The following STON2 variants were observed in gnomAD, a reference collection of about 807,000 sequenced individuals.
The protein encoded by STON2 is stonin 2, also known as stonin-2.
A neutral mutation model predicts 65.7 loss-of-function variants in STON2; 29 were observed. The observed-to-expected ratio is 0.44, with a 90% CI of 0.33 to 0.60. The LOEUF is 0.60. STON2 is among the 20% of genes least tolerant of loss of function. The probability of loss-of-function intolerance (pLI) is 0.03; values close to 1 mark genes in which losing one functional copy is unlikely to be tolerated. For synonymous variants in STON2, 404 were observed against 414.2 expected (o/e 0.98, Z 0.30); for missense variants, 1,054 against 1,118.1 (o/e 0.94, Z 0.82).
At position 81,265,403 on chromosome 14, in the gene STON2, C is replaced by A. The variant is rs890295970; in HGVS notation, c.*3011G>T. 4.2e-6 allele frequency: 4 copies of A among 953,284 alleles called. No homozygotes were observed. Among genetic ancestry groups the A allele is most frequent in the Non-Finnish European group, 5.0e-6 (4 of 801,056 alleles). 59.1% of individuals were successfully genotyped at this position (953,284 alleles called of 1,614,324 possible). A position where few individuals can be genotyped will look rare whatever the true frequency, so the allele number is the denominator to read the frequency against. ...AGCATGGTGGCTCACGCCTGTAATC[C>A]CAGAGCTTTGGGAGACTGAGGCAGG... On this transcript the variant is annotated 3_prime_UTR_variant, in exon 8 of 8. Coordinates refer to ENST00000614646, the MANE Select transcript of STON2 (RefSeq NM_001394390.1).
Position 81,395,950 on chromosome 14 carries a change from T to A in STON2, c.317A>T (p.Glu106Val), listed in dbSNP as rs200631590. The A allele has an allele frequency of 6.2e-7, 1 of 1,614,148 alleles. No individual in the cohort carries two copies. The highest frequency in any genetic ancestry group is 2.2e-5 in the East Asian group (1 of 44,862). Reference protein sequence around the residue: ...ASAISNWVQFEDDTPWASTSP... With the variant: ...ASAISNWVQFVDDTPWASTSP... ...TGTGCTGGCCCAGGGTGTGTCATCT[T>A]CAAACTGAACCCAGTTGCTGATGGC... is the stretch of plus-strand genomic sequence containing the variant. The change falls in exon 3 of 8, where the codon GAA becomes GTA. Residue 106 changes from glutamate to valine, a missense_variant. Transcript: ENST00000614646.
rs74065070 is a variant in STON2, at chr14:81,272,603, T to G, written c.2582-1731A>C. Among the ~76,000 whole-genome samples the G allele has an allele frequency of 5.3e-3, 800 of 152,344 alleles. 8 individuals carry two copies. The highest frequency in any genetic ancestry group is 0.014 in the Middle Eastern group (4 of 294). On this transcript the variant is annotated intron_variant, in intron 6 of 7. Coordinates refer to ENST00000614646, the MANE Select transcript of STON2 (RefSeq NM_001394390.1). ...GCTCTGTTTCACAAACGTAACATATTTCAGTGGTTATTTCTAAAGAGTAAT... is the reference window on the plus strand; with the variant it reads ...GCTCTGTTTCACAAACGTAACATATGTCAGTGGTTATTTCTAAAGAGTAAT...
At chr14:81,396,251 CTA>C in intron 2 of STON2, 73 bp from the exon 3 acceptor site, 1 of 1,470,984 alleles carries the variant, frequency 6.8e-7, no homozygotes. Flanking sequence ...GAGGCAAAAA[CTA>C]AGGATGACCA....
rs369588479 is a variant in STON2 at position 81,415,167 on chromosome 14, A to G, written c.-199+11935T>C. The stretch of plus-strand genomic sequence containing the variant: ...TACCACCCCTGCCCTGGACCCAAGC[A>G]CTGTTCATGACAGTTCACTTTTGCC... On this transcript the variant is annotated intron_variant, in intron 2 of 8. Transcript: ENST00000553821. Among the ~76,000 whole-genome samples the G allele has an allele frequency of 1.6e-3, 248 of 152,218 alleles. 4 individuals carry two copies. The highest frequency in any genetic ancestry group is 0.011 in the South Asian group (55 of 4,818).
At chr14:81,317,336 GA>G (rs1435437735) in intron 5 of STON2, among the ~76,000 whole-genome samples, 1 of 152,146 alleles carries the variant, frequency 6.6e-6, no homozygotes, top group Non-Finnish European at 1.5e-5. Flanking sequence ...CAAAATAGGG[GA>G]TCACATTTCA....
intron 2 of STON2, among the ~76,000 whole-genome samples, chr14:81,420,907 T>G (rs183659550): frequency 6.4e-4 from 98 of 152,158 alleles, no homozygotes; most frequent in Admixed American, 1.2e-3. Context: ...AACCTGCCCC[T>G]CCCTAACCTC....
At chr14:81,350,766 G>A (rs552515194) in intron 4 of STON2, among the ~76,000 whole-genome samples, 1 of 152,240 alleles carries the variant, frequency 6.6e-6, no homozygotes, top group Non-Finnish European at 1.5e-5. Flanking sequence ...ATTTCCAGAG[G>A]CTTTGGGGTT....
chr14:81,410,347 C>G (rs1901097049), intron 2 of STON2, among the ~76,000 whole-genome samples: 1 of 148,598 alleles, frequency 6.7e-6, no homozygotes, highest in Non-Finnish European at 1.5e-5. Context: ...CTAAAATGAC[C>G]CCATTATATC....
chr14:81,362,861 T>C (rs1404711302), intron 4 of STON2, among the ~76,000 whole-genome samples: 2 of 152,182 alleles, frequency 1.3e-5, no homozygotes, highest in Non-Finnish European at 2.9e-5. Context: ...ATGCTGGGGA[T>C]ATACAATAGA....
At chr14:81,393,308 T>C (rs1276615054) in intron 3 of STON2, among the ~76,000 whole-genome samples, 3 of 152,214 alleles carry the variant, frequency 2.0e-5, no homozygotes, top group East Asian at 3.8e-4. Context: ...ACGGCCATTT[T>C]AGGGCAGCAA....
At chr14:81,304,647 G>A (rs965157589) in intron 5 of STON2, among the ~76,000 whole-genome samples, 1 of 152,102 alleles carries the variant, frequency 6.6e-6, no homozygotes, top group Non-Finnish European at 1.5e-5. Context: ...AGAATTGCTT[G>A]AGCCTGGGAG....
intron 2 of STON2, among the ~76,000 whole-genome samples, chr14:81,422,567 C>A (rs1901756943): frequency 6.6e-6 from 1 of 151,826 alleles, no homozygotes; most frequent in African/African-American, 2.4e-5. Context: ...TATGATAATA[C>A]AGAATATTAA....
Position 81,277,686 on chromosome 14 carries a change from A to T in STON2, c.1796T>A (p.Ile599Asn). The T allele has an allele frequency of 6.2e-7, 1 of 1,614,188 alleles. No homozygotes were observed. Among genetic ancestry groups the T allele is most frequent in the Non-Finnish European group, 8.5e-7 (1 of 1,180,040 alleles). Residue 599 changes from isoleucine to asparagine, a missense_variant, in exon 6 of 8, where the codon ATC (isoleucine) becomes AAC (asparagine). Ile to Asn is a moderately radical substitution (Grantham distance 149). Transcript: ENST00000614646. ...TTNYDDFLSF[I>N]HAVQDRLMDL... ...CATGAGACGGTCCTGAACTGCATGGATGAAACTCAGGAAGTCATCGTAATT... is the reference window on the plus strand; with the variant it reads ...CATGAGACGGTCCTGAACTGCATGGTTGAAACTCAGGAAGTCATCGTAATT...
At chr14:81,342,149 T>G (rs116605846) in intron 4 of STON2, among the ~76,000 whole-genome samples, 1,988 of 151,752 alleles carry the variant, frequency 0.013, 42 homozygotes, top group African/African-American at 0.045. Context: ...GTTTTTTTGT[T>G]TTTTTTTTGA....
At position 81,272,684 on chromosome 14, in the gene STON2, A is replaced by T. The variant is rs534085548; in HGVS notation, c.2582-1812T>A. 2.6e-5 allele frequency among the ~76,000 whole-genome samples: 4 copies of T among 152,382 alleles called. No individual in the cohort carries two copies. In the South Asian group the frequency reaches 8.3e-4, roughly 32 times the overall value. ...TTTCAGAAAAGAATTTAAGATACATATAACAGTAAAAATTAAAGTAATTGA... is the reference window on the plus strand; with the variant it reads ...TTTCAGAAAAGAATTTAAGATACATTTAACAGTAAAAATTAAAGTAATTGA... On this transcript the variant is annotated intron_variant, in intron 6 of 7. Transcript: ENST00000614646.
rs147841517 is a variant in STON2 at position 81,408,157 on chromosome 14, A to ACACACACACACGCG, written c.-198-9578_-198-9577insCGCGTGTGTGTGTG. 5.3e-5 allele frequency among the ~76,000 whole-genome samples: 8 copies of ACACACACACACGCG among 150,520 alleles called. No individual in the cohort carries two copies. In the East Asian group the frequency reaches 7.8e-4, roughly 15 times the overall value. ...GAAGAACACACACACACACACACACACGCGCACACACACACACATTAATTA... is the reference window on the plus strand; with the variant it reads ...GAAGAACACACACACACACACACACACACACACACACGCGCGCGCACACACACACACATTAATTA... On this transcript the variant is annotated intron_variant, in intron 2 of 8. Coordinates refer to the STON2 transcript ENST00000553821.
chr14:81,320,846 A>T (rs1896797859), intron 5 of STON2, among the ~76,000 whole-genome samples: 2 of 152,194 alleles, frequency 1.3e-5, no homozygotes. Flanking sequence ...CCAGAGCATT[A>T]GCATGAGGAG....
intron 5 of STON2, among the ~76,000 whole-genome samples, chr14:81,280,573 A>G (rs61978878): frequency 0.099 from 15,074 of 152,208 alleles, 836 homozygotes; most frequent in African/African-American, 0.12. Context: ...ATCTTCATGC[A>G]TATCACATCC....
chr14:81,331,338 T>A (rs748217656), intron 4 of STON2, among the ~76,000 whole-genome samples: 3 of 152,226 alleles, frequency 2.0e-5, no homozygotes, highest in Non-Finnish European at 4.4e-5. Flanking sequence ...CTAATTTCTT[T>A]ACATTTGCTC....
Sources: allele counts gnomAD v4.1 joint callset (sites outside exome capture counted in the v4.1 genomes callset), GRCh38; gene constraint gnomAD v4.1.1; transcripts MANE v1.5; gene names NCBI Gene and HGNC (gene_info 2026-07-23, HGNC 2026-07-21).